The following PC variants were observed in gnomAD, a reference collection of about 807,000 sequenced individuals.
PC encodes pyruvate carboxylase.
PC carries 46 observed loss-of-function variants against 107.8 expected under a neutral mutation model. That is an observed-to-expected ratio of 0.43 (90% CI 0.34 to 0.55). The LOEUF (loss-of-function observed/expected upper bound fraction) is 0.55. PC is among the 20% of genes least tolerant of loss of function. The probability of loss-of-function intolerance (pLI) is 0.04; values close to 1 mark genes in which losing one functional copy is unlikely to be tolerated. For missense variants in PC, 1,241 were observed against 1,643.1 expected, an observed-to-expected ratio of 0.76 and a Z score of 4.23; for synonymous variants, 662 against 684.7, an observed-to-expected ratio of 0.97 and a Z score of 0.52.
Position 66,852,412 on chromosome 11 carries a change from C to G in PC, c.1825+27G>C. On this transcript the variant is annotated intron_variant, in intron 15 of 22. Transcript: ENST00000393960. This position sits in a 1 kb window ranked among gnomAD's most constrained non-coding sequence, Gnocchi z 4.7. Reference sequence around the variant, plus strand: ...CCACAGAGCGGGCGCCCATTCCTACCAGGCGCTGCGCAGCATGCCAGCCTA... The same window carrying G: ...CCACAGAGCGGGCGCCCATTCCTACGAGGCGCTGCGCAGCATGCCAGCCTA... 1 of 1,588,308 alleles carries G rather than the reference C, an allele frequency of 6.3e-7. No homozygotes were observed. Among genetic ancestry groups the G allele is most frequent in the Non-Finnish European group, 8.6e-7 (1 of 1,156,888 alleles).
rs1385876615 is a variant in PC, at chr11:66,871,516, C to T, written c.322-36G>A. ...GGGTCAGGGAGAGGACGGTACCTTG[C>T]AGTCCCTTCCAAGGCCTCGGCCAGC... On this transcript the variant is annotated intron_variant, in intron 5 of 22. Coordinates refer to ENST00000393960, the MANE Select transcript of PC (RefSeq NM_001040716.2). This position sits in a 1 kb window ranked among gnomAD's most constrained non-coding sequence, Gnocchi z 7.4. 6 of 1,611,602 alleles carry T rather than the reference C, an allele frequency of 3.7e-6. No individual in the cohort carries two copies. In the East Asian group the frequency reaches 1.1e-4, roughly 30 times the overall value.
At chr11:66,861,921 C>T (rs1946279550) in intron 12 of PC, among the ~76,000 whole-genome samples, 1 of 152,112 alleles carries the variant, frequency 6.6e-6, no homozygotes, top group African/African-American at 2.4e-5. Flanking sequence ...CTAGCTGCAC[C>T]CCTAGCAGGC....
intron 3 of PC, among the ~76,000 whole-genome samples, chr11:66,913,035 G>T (rs929906539): frequency 6.6e-6 from 1 of 152,130 alleles, no homozygotes; most frequent in Admixed American, 6.5e-5. Flanking sequence ...ATTCCTCACA[G>T]GATATTCAGT....
At chr11:66,863,173 C>G (rs1377984566) in intron 12 of PC, among the ~76,000 whole-genome samples, 1 of 152,066 alleles carries the variant, frequency 6.6e-6, no homozygotes, top group Non-Finnish European at 1.5e-5. Flanking sequence ...AAAACCCCGT[C>G]TACTAAAAAT....
At chr11:66,889,970 A>G (rs576846264) in intron 3 of PC, among the ~76,000 whole-genome samples, 3 of 152,224 alleles carry the variant, frequency 2.0e-5, no homozygotes, top group Non-Finnish European at 4.4e-5. Context: ...CAGTAGACCT[A>G]CTTCACGAAT....
At chr11:66,919,788 T>C (rs1043981545) in intron 3 of PC, 10 of 152,176 alleles carry the variant, frequency 6.6e-5, no homozygotes, top group African/African-American at 2.2e-4. Flanking sequence ...TTAGAATTTG[T>C]CTAGCAGGCT....
Position 66,848,477 on chromosome 11 carries a change from C to G in PC, c.*422G>C. 1 of 546,668 alleles carries G rather than the reference C, an allele frequency of 1.8e-6. No individual in the cohort carries two copies. Among genetic ancestry groups the G allele is most frequent in the Non-Finnish European group, 3.2e-6 (1 of 311,372 alleles). The allele number at this position is 546,668 out of a possible 1,614,324, so 33.9% of individuals were successfully genotyped here. On this transcript the variant is annotated 3_prime_UTR_variant, in exon 23 of 23. Transcript: ENST00000393960. ...ATGGGGAGCTTGAAAGGCAGCCCCC[C>G]ACTGCTGAGTGGTGCAGGCTGGGGG... is the stretch of plus-strand genomic sequence containing the variant.
intron 3 of PC, among the ~76,000 whole-genome samples, chr11:66,906,222 A>T (rs939595794): frequency 2.0e-5 from 3 of 152,164 alleles, no homozygotes; most frequent in Non-Finnish European, 4.4e-5. Context: ...TCATTCATTC[A>T]GTCACTTCTG....
chr11:66,861,368 G>A (rs1244933364), intron 12 of PC, among the ~76,000 whole-genome samples: 2 of 152,366 alleles, frequency 1.3e-5, no homozygotes, highest in East Asian at 1.9e-4. Flanking sequence ...GGCACCCCAG[G>A]CCACGGCAAA....
intron 3 of PC, among the ~76,000 whole-genome samples, chr11:66,904,765 G>T (rs922088488): frequency 6.6e-6 from 1 of 152,254 alleles, no homozygotes; most frequent in African/African-American, 2.4e-5. Flanking sequence ...CTGGACCACA[G>T]GCTGCTGTGA....
At chr11:66,936,098 A>G (rs1948995314) in intron 3 of PC, among the ~76,000 whole-genome samples, 1 of 133,286 alleles carries the variant, frequency 7.5e-6, no homozygotes, top group Admixed American at 7.3e-5. Flanking sequence ...AAAAAAAAAA[A>G]TCAGCTGGGT....
chr11:66,929,594 T>C (rs1948797375), intron 3 of PC, among the ~76,000 whole-genome samples: 2 of 152,286 alleles, frequency 1.3e-5, no homozygotes, highest in South Asian at 4.2e-4. Flanking sequence ...CTCGAACTCC[T>C]GAACTCAAGT....
At chr11:66,927,522 G>C (rs1948746827) in intron 3 of PC, among the ~76,000 whole-genome samples, 1 of 151,874 alleles carries the variant, frequency 6.6e-6, no homozygotes, top group South Asian at 2.1e-4. Flanking sequence ...AGGAGTTCAA[G>C]ACCAGCCTGG....
chr11:66,912,906 G>C (rs1316447915), intron 3 of PC, among the ~76,000 whole-genome samples: 1 of 152,076 alleles, frequency 6.6e-6, no homozygotes, highest in African/African-American at 2.4e-5. Flanking sequence ...CAATGTTAAC[G>C]AAGGGCTTCC....
rs745486772 is a variant in PC at position 66,850,402 on chromosome 11, C to T, written c.2536G>A (p.Ala846Thr). Residue 846 changes from alanine to threonine, a missense_variant, in exon 19 of 23, where the codon GCG (alanine) becomes ACG (threonine). Around this residue, in one of 2 missense-constraint regions of PC, gnomAD observed 1,143 missense variants for 1,551.9 expected, o/e 0.74. Coordinates refer to ENST00000393960, the MANE Select transcript of PC (RefSeq NM_001040716.2). ...EYWEGARGLY[A>T]AFDCTATMKS... Reference sequence around the variant, plus strand: ...ATGGTGGCCGTGCAGTCGAAGGCCGCGTACAGTCCCCGAGCCCCCTCCCAG... The same window carrying T: ...ATGGTGGCCGTGCAGTCGAAGGCCGTGTACAGTCCCCGAGCCCCCTCCCAG... 19 of 1,613,940 alleles carry T rather than the reference C, an allele frequency of 1.2e-5. No individual in the cohort carries two copies. Among genetic ancestry groups the T allele is most frequent in the South Asian group, 6.6e-5 (6 of 91,092 alleles).
chr11:66,910,588 G>A (rs181646999), intron 3 of PC, among the ~76,000 whole-genome samples: 20 of 152,140 alleles, frequency 1.3e-4, no homozygotes, highest in East Asian at 7.7e-4. Context: ...CTCACCATAC[G>A]GCCGGTGGAA....
chr11:66,953,296 G>C (rs1279943323), intron 2 of PC, among the ~76,000 whole-genome samples: 1 of 152,128 alleles, frequency 6.6e-6, no homozygotes, highest in Non-Finnish European at 1.5e-5. Flanking sequence ...CTGAATACTG[G>C]GAGTCTGGTT....
intron 3 of PC, among the ~76,000 whole-genome samples, chr11:66,934,778 G>C (rs558776743): frequency 6.6e-6 from 1 of 152,046 alleles, no homozygotes; most frequent in Non-Finnish European, 1.5e-5. Flanking sequence ...CTAATTTTTT[G>C]TATTTTAGTA....
intron 11 of PC, among the ~76,000 whole-genome samples, chr11:66,864,198 G>C (rs1203435930): frequency 1.3e-5 from 2 of 152,262 alleles, no homozygotes; most frequent in Admixed American, 6.5e-5. Flanking sequence ...GAGCTGGGAG[G>C]GGGCAGAGGA....
Sources: allele counts gnomAD v4.1 joint callset (sites outside exome capture counted in the v4.1 genomes callset), GRCh38; gene constraint gnomAD v4.1.1; regional missense constraint gnomAD v4.1.1; non-coding constraint Gnocchi (gnomAD v3.1); transcripts MANE v1.5; gene names NCBI Gene and HGNC (gene_info 2026-07-23, HGNC 2026-07-21).